Variants in PRKX observed in about 807,000 individuals in gnomAD.
PRKX encodes the protein protein kinase cAMP-dependent X-linked catalytic subunit.
Under a neutral mutation model 22.0 loss-of-function variants are expected in PRKX, and 12 were observed. The observed-to-expected ratio is 0.54, with a 90% confidence interval of 0.35 to 0.88. PRKX has a LOEUF of 0.88. Among genes scored for constraint, PRKX ranks in the 40% least tolerant of loss-of-function variants. The pLI is 0.01. For synonymous variants in PRKX, 134 were observed against 137.7 expected, an observed-to-expected ratio of 0.97 and a Z score of 0.19; for missense variants, 217 against 308.0, an observed-to-expected ratio of 0.70 and a Z score of 2.21.
intron 1 of PRKX, among the ~76,000 whole-genome samples, chrX:3,683,752 T>A: frequency 9.0e-6 from 1 of 111,576 alleles, no homozygotes; most frequent in South Asian, 3.8e-4. Context: ...GGTGGGAGGA[T>A]TGCCTGAGCC....
intron 4 of PRKX, among the ~76,000 whole-genome samples, chrX:3,637,879 G>A (rs1198268173): frequency 2.0e-4 from 22 of 108,107 alleles, no homozygotes; most frequent in African/African-American, 7.1e-4. Context: ...AGCGATTCTC[G>A]TGCCTCAGAC....
At chrX:3,635,581 A>C (rs1187182791) in intron 4 of PRKX, among the ~76,000 whole-genome samples, 1 of 108,820 alleles carries the variant, frequency 9.2e-6, no homozygotes, top group African/African-American at 3.4e-5. Context: ...TTGATGCTTT[A>C]GCTGATTTTT....
intron 3 of PRKX, among the ~76,000 whole-genome samples, chrX:3,649,877 C>T (rs917391552): frequency 9.4e-6 from 1 of 106,614 alleles, no homozygotes; most frequent in African/African-American, 3.4e-5. Context: ...CCGTAGCTCC[C>T]GCCTGTAATC....
In PRKX at chrX:3,689,754, G is replaced by A. The variant is rs188354777; in HGVS notation, c.167-14988C>T. On this transcript the variant is annotated intron_variant, in intron 1 of 8. Coordinates refer to ENST00000262848, the MANE Select transcript of PRKX (RefSeq NM_005044.5). ...ACACTTTGGGAGGCCAAGGCGGGCG[G>A]ATCACAAGGTCAGGAGATCGAGACC... 7.0e-3 allele frequency among the ~76,000 whole-genome samples: 782 copies of A among 111,920 alleles called. 3 individuals carry two copies. Among genetic ancestry groups the A allele is most frequent in the African/African-American group, 0.022 (684 of 30,850 alleles).
chrX:3,677,035 A>G (rs1261272620), intron 1 of PRKX, among the ~76,000 whole-genome samples: 2 of 111,551 alleles, frequency 1.8e-5, no homozygotes, highest in African/African-American at 6.5e-5. Context: ...CATTAACAGC[A>G]TGAGAATGGA....
intron 1 of PRKX, among the ~76,000 whole-genome samples, chrX:3,699,791 A>G (rs1217120674): frequency 8.9e-6 from 1 of 112,945 alleles, no homozygotes. Context: ...GAATGCTTTC[A>G]GTGCAACCTT....
intron 1 of PRKX, among the ~76,000 whole-genome samples, chrX:3,685,133 T>A (rs1463080427): frequency 9.0e-6 from 1 of 111,553 alleles, no homozygotes; most frequent in Non-Finnish European, 1.9e-5. Context: ...AATTCTTGCA[T>A]ACACACTTTC....
At chrX:3,642,316 A>G in intron 3 of PRKX, among the ~76,000 whole-genome samples, 1 of 110,932 alleles carries the variant, frequency 9.0e-6, no homozygotes, top group Non-Finnish European at 1.9e-5. Flanking sequence ...AATTAATTAA[A>G]GGAAAAAGAA....
intron 2 of PRKX, among the ~76,000 whole-genome samples, chrX:3,656,029 G>C (rs1927474201): frequency 9.0e-6 from 1 of 111,135 alleles, no homozygotes; most frequent in African/African-American, 3.3e-5. Context: ...TATGGGCATA[G>C]ACAAATAAAA....
intron 1 of PRKX, among the ~76,000 whole-genome samples, chrX:3,692,806 C>T (rs780205783): frequency 1.8e-5 from 2 of 111,285 alleles, no homozygotes; most frequent in South Asian, 3.8e-4. Flanking sequence ...GGATTACAGG[C>T]GTGAGCCACG....
At chrX:3,641,364 GC>G (rs1383677092) in intron 4 of PRKX, 3 of 117,734 alleles carry the variant, frequency 2.5e-5, no homozygotes, top group East Asian at 5.5e-4. Context: ...CCCAACCTGT[GC>G]CCCCCTGAGC....
chrX:3,633,078 C>A (rs1293244122), intron 4 of PRKX, among the ~76,000 whole-genome samples: 1 of 109,891 alleles, frequency 9.1e-6, no homozygotes, highest in Admixed American at 9.8e-5. Flanking sequence ...ATTATCTGGA[C>A]GTGCTGGTGT....
intron 4 of PRKX, among the ~76,000 whole-genome samples, chrX:3,633,842 G>C (rs1478799238): frequency 1.8e-5 from 2 of 111,660 alleles, no homozygotes; most frequent in Non-Finnish European, 3.8e-5. Context: ...TTCAAGAAAA[G>C]GAAGGCAGAG....
intron 1 of PRKX, among the ~76,000 whole-genome samples, chrX:3,700,980 A>G (rs1928556793): frequency 8.9e-6 from 1 of 112,297 alleles, no homozygotes. Context: ...AACTAAAGAA[A>G]AGCTTTAATA....
At chrX:3,628,008 G>C (rs1300487969) in intron 4 of PRKX, among the ~76,000 whole-genome samples, 1 of 111,353 alleles carries the variant, frequency 9.0e-6, no homozygotes, top group African/African-American at 3.3e-5. Flanking sequence ...TCCATCAACA[G>C]ATGAGCAGAT....
At chrX:3,697,097 T>C (rs1391976838) in intron 1 of PRKX, among the ~76,000 whole-genome samples, 2 of 111,480 alleles carry the variant, frequency 1.8e-5, no homozygotes, top group Non-Finnish European at 3.8e-5. Context: ...CTCATGCCTG[T>C]AATCCCAACA....
chrX:3,698,238 C>T (rs1280180976), intron 1 of PRKX, among the ~76,000 whole-genome samples: 1 of 111,910 alleles, frequency 8.9e-6, no homozygotes, highest in Non-Finnish European at 1.9e-5. Context: ...TAGTGACTAT[C>T]GTATATGCTG....
intron 7 of PRKX, 152 bp downstream of exon 7, chrX:3,615,663 G>T: frequency 2.0e-6 from 1 of 505,386 alleles, no homozygotes; most frequent in Non-Finnish European, 3.3e-6. Flanking sequence ...AAAGAGTGGG[G>T]AACTTGGCTT....
intron 4 of PRKX, among the ~76,000 whole-genome samples, chrX:3,630,706 G>C (rs1926762609): frequency 9.0e-6 from 1 of 111,667 alleles, no homozygotes; most frequent in Non-Finnish European, 1.9e-5. Flanking sequence ...AGCGAGCAAA[G>C]GGGGAAGTAC....
Sources: gnomAD v4.1 joint callset for allele counts (sites outside exome capture counted in the v4.1 genomes callset) on GRCh38, gnomAD v4.1.1 for gene constraint, MANE v1.5 for transcripts, NCBI Gene and HGNC (gene_info 2026-07-23, HGNC 2026-07-21) for gene names.